The following MYO5B variants were observed in gnomAD, a reference collection of about 807,000 sequenced individuals.
MYO5B encodes myosin VB.
MYO5B carries 143 observed loss-of-function variants against 229.3 expected under a neutral mutation model. The observed-to-expected ratio is 0.62, with a 90% CI of 0.54 to 0.72. The LOEUF (loss-of-function observed/expected upper bound fraction) is 0.72. MYO5B is among the 30% of genes least tolerant of loss of function. The probability of loss-of-function intolerance (pLI) is 0.00; values close to 1 mark genes in which losing one functional copy is unlikely to be tolerated. For synonymous variants in MYO5B, 918 were observed against 885.2 expected (o/e 1.04, Z -0.66); for missense variants, 2,321 against 2,331.0 (o/e 1.00, Z 0.09).
intron 1 of MYO5B, 145 bp from the exon 2 acceptor site, chr18:50,055,523 C>T (rs947464616): frequency 3.2e-5 from 22 of 697,042 alleles, no homozygotes; most frequent in South Asian, 1.8e-4. Context: ...CAGGACACAA[C>T]GTGATCCGAT....
At chr18:50,049,075 C>T (rs2030321524) in intron 2 of MYO5B, among the ~76,000 whole-genome samples, 1 of 149,256 alleles carries the variant, frequency 6.7e-6, no homozygotes, top group African/African-American at 2.5e-5. Flanking sequence ...GACTCAGATA[C>T]AAGGGTGAGT....
chr18:50,122,780 C>T (rs2032091087), intron 1 of MYO5B, among the ~76,000 whole-genome samples: 1 of 152,086 alleles, frequency 6.6e-6, no homozygotes, highest in Admixed American at 6.6e-5. Context: ...TTTACATCCA[C>T]TAGGATGGCC....
intron 1 of MYO5B, among the ~76,000 whole-genome samples, chr18:50,189,351 T>G (rs1705547): frequency 0.28 from 43,160 of 152,056 alleles, 6,252 homozygotes; most frequent in South Asian, 0.37. Context: ...GTCCCAAGCA[T>G]GGTAACTTTA....
chr18:49,984,195 G>A (rs934703482), intron 8 of MYO5B, among the ~76,000 whole-genome samples: 1 of 152,220 alleles, frequency 6.6e-6, no homozygotes, highest in African/African-American at 2.4e-5. Context: ...CTGAAGGACA[G>A]AGAACTTCTT....
chr18:50,180,465 C>T (rs1363917751), intron 1 of MYO5B, among the ~76,000 whole-genome samples: 2 of 152,166 alleles, frequency 1.3e-5, no homozygotes, highest in East Asian at 3.8e-4. Context: ...CCAGGCCAAT[C>T]CCCCATCTAA....
At chr18:50,141,104 T>C (rs969918522) in intron 1 of MYO5B, among the ~76,000 whole-genome samples, 8 of 152,140 alleles carry the variant, frequency 5.3e-5, no homozygotes, top group African/African-American at 1.9e-4. Context: ...TAGTTGATTC[T>C]TGAGGTAGGA....
At chr18:50,037,230 CA>C (rs2026459305) in intron 3 of MYO5B, among the ~76,000 whole-genome samples, 1 of 139,492 alleles carries the variant, frequency 7.2e-6, no homozygotes, top group African/African-American at 2.7e-5. Context: ...CACACACACA[CA>C]CACACTCACT....
chr18:50,123,079 T>C (rs1705535), intron 1 of MYO5B, among the ~76,000 whole-genome samples: 70,089 of 152,126 alleles, frequency 0.46, 16,410 homozygotes, highest in Admixed American at 0.56. Flanking sequence ...GTCTATCAGC[T>C]GCACAATGGA....
intron 17 of MYO5B, among the ~76,000 whole-genome samples, chr18:49,924,931 G>GA (rs2025112670): frequency 6.6e-6 from 1 of 151,862 alleles, no homozygotes; most frequent in African/African-American, 2.4e-5. Flanking sequence ...GTTATTTCAT[G>GA]AAAAAAACAA....
chr18:49,877,131 G>A (rs80150048), intron 25 of MYO5B, among the ~76,000 whole-genome samples: 36,093 of 151,470 alleles, frequency 0.24, 4,412 homozygotes, highest in East Asian at 0.42. Context: ...GTACGTGCGC[G>A]CACACACACG....
In MYO5B at chr18:49,872,251, AAAGAT is replaced by A. The variant is rs1248493290; in HGVS notation, c.3538-24_3538-20del. 1 of 1,613,380 alleles carries A rather than the reference AAAGAT, an allele frequency of 6.2e-7. No individual in the cohort carries two copies. The highest frequency in any genetic ancestry group is 8.5e-7 in the Non-Finnish European group (1 of 1,179,318). On this transcript the variant is annotated intron_variant, in intron 26 of 39. Coordinates refer to ENST00000285039, the MANE Select transcript of MYO5B (RefSeq NM_001080467.3). Reference sequence around the variant, plus strand: ...GTTCCGCCTGCATGGATAGAGACACAAAGATAAGTGCAGACCTCGAGCAAGATATT... The same window carrying A: ...GTTCCGCCTGCATGGATAGAGACACAAAGTGCAGACCTCGAGCAAGATATT...
At chr18:49,885,595 C>T (rs1303634829) in intron 22 of MYO5B, among the ~76,000 whole-genome samples, 1 of 152,162 alleles carries the variant, frequency 6.6e-6, no homozygotes, top group Non-Finnish European at 1.5e-5. Flanking sequence ...CAACTGGTTA[C>T]AATGCTTAAA....
intron 4 of MYO5B, among the ~76,000 whole-genome samples, chr18:50,006,215 C>T (rs563611192): frequency 9.9e-5 from 15 of 152,084 alleles, no homozygotes; most frequent in East Asian, 1.9e-4. Context: ...ATTTAGGGCT[C>T]GTTAAGGGGG....
At chr18:49,881,524 C>T (rs2024585163) in intron 22 of MYO5B, among the ~76,000 whole-genome samples, 2 of 152,194 alleles carry the variant, frequency 1.3e-5, no homozygotes, top group East Asian at 3.9e-4. Context: ...GTGAAGAGGC[C>T]AGGCGCAGTG....
chr18:49,954,024 A>G (rs1974408), intron 13 of MYO5B, among the ~76,000 whole-genome samples: 728 of 51,080 alleles, frequency 0.014, 15 homozygotes, highest in Middle Eastern at 0.048. Context: ...ATGTATTTAT[A>G]TGTGTGTGTG....
At chr18:49,906,708 C>T (rs1475494778) in intron 18 of MYO5B, 78 bp from the exon 19 acceptor site, 1 of 1,300,406 alleles carries the variant, frequency 7.7e-7, no homozygotes, top group East Asian at 2.3e-5. Flanking sequence ...CCTTGTTCTT[C>T]CCATGCAGAA....
chr18:50,008,729 T>C (rs9951370), intron 4 of MYO5B, among the ~76,000 whole-genome samples: 57,124 of 152,018 alleles, frequency 0.38, 11,171 homozygotes, highest in East Asian at 0.54. Context: ...GGACATCCCA[T>C]CTCCAAACCG....
chr18:50,065,156 A>T (rs2030787769), intron 1 of MYO5B, among the ~76,000 whole-genome samples: 1 of 152,202 alleles, frequency 6.6e-6, no homozygotes, highest in Non-Finnish European at 1.5e-5. Context: ...CTGTTCAATA[A>T]ACATTCAACT....
chr18:49,826,769 C>T, intron 39 of MYO5B, 146 bp from the exon 40 acceptor site: 1 of 1,001,140 alleles, frequency 1.0e-6, no homozygotes, highest in Non-Finnish European at 1.5e-6. Context: ...AATGTGATCT[C>T]CTCACCCTTG....
Sources: allele counts gnomAD v4.1 joint callset (sites outside exome capture counted in the v4.1 genomes callset), GRCh38; gene constraint gnomAD v4.1.1; transcripts MANE v1.5; gene names NCBI Gene and HGNC (gene_info 2026-07-23, HGNC 2026-07-21).